ZHX2: variants seen among roughly 807,000 people sequenced by gnomAD.
ZHX2 encodes the protein zinc fingers and homeoboxes 2.
In ZHX2, 6 loss-of-function variants were observed where a neutral mutation model predicts 21.9. The ratio of observed to expected loss-of-function variants is 0.27; its 90% CI spans 0.15 to 0.54. ZHX2 has a LOEUF of 0.54. Ranked by LOEUF, ZHX2 falls within the 20% of genes least tolerant of loss-of-function variation. The pLI, the probability that ZHX2 is intolerant of heterozygous loss-of-function variation, is 0.95. For synonymous variants in ZHX2, 434 were observed against 437.1 expected, an observed-to-expected ratio of 0.99 and a Z score of 0.09; for missense variants, 908 against 1,090.7, an observed-to-expected ratio of 0.83 and a Z score of 2.36.
In ZHX2 at chr8:122,949,120, T is replaced by C. The variant is rs186257538; in HGVS notation, c.-219-2172T>C. On this transcript the variant is annotated intron_variant, in intron 2 of 3. Transcript: ENST00000314393. ...CAGGCAGATCACCTGAGGTTAGGAG[T>C]TTGAGCCCAGCCTGACCAACATGGA... Among the ~76,000 whole-genome samples the C allele has an allele frequency of 2.2e-3, 329 of 152,066 alleles. 1 individual carries two copies. The highest frequency in any genetic ancestry group is 7.6e-3 in the African/African-American group (316 of 41,476).
At chr8:122,965,461 C>T (rs1303829600) in intron 3 of ZHX2, among the ~76,000 whole-genome samples, 1 of 152,108 alleles carries the variant, frequency 6.6e-6, no homozygotes, top group Non-Finnish European at 1.5e-5. Flanking sequence ...ATAATTTTGA[C>T]TGTTCCTTTC....
intron 2 of ZHX2, among the ~76,000 whole-genome samples, chr8:122,917,890 C>A (rs1441603626): frequency 1.3e-5 from 2 of 152,206 alleles, no homozygotes; most frequent in Non-Finnish European, 2.9e-5. Flanking sequence ...TCAATCACAG[C>A]ATAGGTTCTC....
At chr8:122,875,848 GCAAGATAAATCTTTGCCTTCC>G (rs1456909061) in intron 2 of ZHX2, among the ~76,000 whole-genome samples, 1 of 152,166 alleles carries the variant, frequency 6.6e-6, no homozygotes, top group African/African-American at 2.4e-5. Flanking sequence ...CTCCCTTCAG[GCAAGATAAATCTTTGCCTTCC>G]CTTGTTTTCT....
chr8:122,911,594 C>T (rs1302016733), intron 2 of ZHX2, among the ~76,000 whole-genome samples: 1 of 152,146 alleles, frequency 6.6e-6, no homozygotes, highest in Non-Finnish European at 1.5e-5. Context: ...TTTTCCTAAA[C>T]AAATGTTTAT....
chr8:122,820,473 C>T (rs1818121564), intron 1 of ZHX2, among the ~76,000 whole-genome samples: 1 of 152,216 alleles, frequency 6.6e-6, no homozygotes. Context: ...GCCTCCCTCC[C>T]CTTCAAGCTT....
chr8:122,851,127 G>T (rs1818886672), intron 1 of ZHX2, among the ~76,000 whole-genome samples: 1 of 152,182 alleles, frequency 6.6e-6, no homozygotes, highest in Non-Finnish European at 1.5e-5. Context: ...ATGCCTGGGG[G>T]GTGCGAGACG....
intron 2 of ZHX2, among the ~76,000 whole-genome samples, chr8:122,898,223 G>T (rs1222967717): frequency 6.6e-6 from 1 of 152,174 alleles, no homozygotes; most frequent in Non-Finnish European, 1.5e-5. Context: ...ATTGAGTGGG[G>T]TCTTCTTTGT....
intron 1 of ZHX2, among the ~76,000 whole-genome samples, chr8:122,816,032 A>G (rs964321187): frequency 6.8e-6 from 1 of 148,142 alleles, no homozygotes; most frequent in South Asian, 2.1e-4. Flanking sequence ...GTGAGCCAAG[A>G]TCACGCCACC....
intron 2 of ZHX2, among the ~76,000 whole-genome samples, chr8:122,949,331 A>G (rs2130260104): frequency 6.6e-6 from 1 of 152,348 alleles, no homozygotes; most frequent in South Asian, 2.1e-4. Context: ...CTGAAAAGAA[A>G]AAAAGGAAAA....
chr8:122,864,636 AC>A (rs924978068), intron 2 of ZHX2, among the ~76,000 whole-genome samples: 3 of 150,012 alleles, frequency 2.0e-5, no homozygotes, highest in Non-Finnish European at 3.0e-5. Context: ...AGACTCACCC[AC>A]CCCCCCACTC....
chr8:122,886,622 A>G (rs1819847691), intron 2 of ZHX2, among the ~76,000 whole-genome samples: 1 of 152,196 alleles, frequency 6.6e-6, no homozygotes, highest in South Asian at 2.1e-4. Flanking sequence ...TTTTCTGTAG[A>G]CCTAAAACCA....
chr8:122,934,488 A>G (rs895062264), intron 2 of ZHX2, among the ~76,000 whole-genome samples: 2 of 152,084 alleles, frequency 1.3e-5, no homozygotes, highest in African/African-American at 4.8e-5. Context: ...GACCTTGACT[A>G]ATGAATAGCG....
At chr8:122,880,438 GA>G (rs1348684031) in intron 2 of ZHX2, among the ~76,000 whole-genome samples, 3 of 151,760 alleles carry the variant, frequency 2.0e-5, no homozygotes, top group Admixed American at 2.0e-4. Context: ...AAGAACACTG[GA>G]AATACTCCCT....
intron 1 of ZHX2, among the ~76,000 whole-genome samples, chr8:122,796,153 GGA>G (rs1336141409): frequency 6.7e-6 from 1 of 150,326 alleles, no homozygotes; most frequent in African/African-American, 2.5e-5. Context: ...CCTGCACAAT[GGA>G]GCGAGACTCC....
intron 1 of ZHX2, among the ~76,000 whole-genome samples, chr8:122,818,694 G>A (rs1251726291): frequency 1.3e-5 from 2 of 152,206 alleles, no homozygotes; most frequent in Admixed American, 6.5e-5. Flanking sequence ...CATCCAGGAC[G>A]CGCCCCGTGA....
At chr8:122,827,043 T>C (rs1355335243) in intron 1 of ZHX2, among the ~76,000 whole-genome samples, 1 of 152,112 alleles carries the variant, frequency 6.6e-6, no homozygotes, top group Non-Finnish European at 1.5e-5. Flanking sequence ...TTATTTTATT[T>C]TCAGGCAGGA....
At chr8:122,917,293 C>T (rs1297610340) in intron 2 of ZHX2, among the ~76,000 whole-genome samples, 1 of 151,962 alleles carries the variant, frequency 6.6e-6, no homozygotes, top group Admixed American at 6.6e-5. Flanking sequence ...CATTTCCTGC[C>T]CCTGCCAGAG....
At chr8:122,925,847 G>C (rs1820836466) in intron 2 of ZHX2, among the ~76,000 whole-genome samples, 1 of 152,166 alleles carries the variant, frequency 6.6e-6, no homozygotes, top group Non-Finnish European at 1.5e-5. Context: ...GAAGGGAGTG[G>C]TGTGTTTCAG....
intron 1 of ZHX2, among the ~76,000 whole-genome samples, chr8:122,795,501 A>G (rs1817598489): frequency 6.6e-6 from 1 of 152,138 alleles, no homozygotes; most frequent in Admixed American, 6.5e-5. Flanking sequence ...ACATAGAGCA[A>G]TATCACAACT....
Sources: gnomAD v4.1 joint callset for allele counts (sites outside exome capture counted in the v4.1 genomes callset) on GRCh38, gnomAD v4.1.1 for gene constraint, MANE v1.5 for transcripts, NCBI Gene and HGNC (gene_info 2026-07-23, HGNC 2026-07-21) for gene names.